POMGNT1: variants seen among roughly 807,000 people sequenced by gnomAD.
POMGNT1 encodes protein O-linked-mannose beta-1,2-N-acetylglucosaminyltransferase 1.
In POMGNT1, 67 loss-of-function variants were observed where a neutral mutation model predicts 95.6. The observed-to-expected ratio is 0.70, with a 90% CI of 0.58 to 0.86. The LOEUF (loss-of-function observed/expected upper bound fraction) is 0.86. POMGNT1 is among the 40% of genes least tolerant of loss of function. POMGNT1 has a pLI of 0.00. For missense variants in POMGNT1, 719 were observed against 855.2 expected (o/e 0.84, Z 1.99); for synonymous variants, 298 against 317.9 (o/e 0.94, Z 0.66).
chr1:46,195,859 T>C lies in POMGNT1; in HGVS notation c.486A>G (p.Leu162=), dbSNP rs138330966. Residue 162 remains leucine (L), a synonymous_variant, in exon 6 of 22, where the codon CTA becomes CTG. Coordinates refer to ENST00000371984, the MANE Select transcript of POMGNT1 (RefSeq NM_017739.4). ...YSPHEDEAMV[L]FLNMVAPGRV... ...GGCCGGGCGCTACCATGTTGAGGAA[T>C]AGCACCATGGCCTCATCCTCATGAG... 442 of 1,612,540 alleles carry C rather than the reference T, an allele frequency of 2.7e-4. 2 individuals carry two copies. The highest frequency in any genetic ancestry group is 2.4e-4 in the South Asian group (22 of 90,676).
upstream of POMGNT1, among the ~76,000 whole-genome samples, chr1:46,199,266 G>A (rs1416078507): frequency 6.6e-6 from 1 of 152,154 alleles, no homozygotes; most frequent in African/African-American, 2.4e-5. Context: ...TATCCCTGTC[G>A]CAGATAAAGA....
chr1:46,200,122 C>G (rs1658493956), upstream of POMGNT1, among the ~76,000 whole-genome samples: 1 of 152,142 alleles, frequency 6.6e-6, no homozygotes, highest in South Asian at 2.1e-4. Context: ...GTTGAGATTG[C>G]ACCACTGCAC....
chr1:46,212,428 A>T (rs1388034275), intron 1 of POMGNT1, among the ~76,000 whole-genome samples: 20 of 147,352 alleles, frequency 1.4e-4, no homozygotes, highest in African/African-American at 5.0e-4. Context: ...CTACAGGCGT[A>T]CACTGCCACG....
chr1:46,188,933 T>G lies in POMGNT1; in HGVS notation c.*337A>C, dbSNP rs1210082344. 1.9e-6 allele frequency: 3 copies of G among 1,612,838 alleles called. No homozygotes were observed. The highest frequency in any genetic ancestry group is 2.5e-6 in the Non-Finnish European group (3 of 1,179,874). ...CAGGCCCTCCAGGTTCGGCCTGTTT[T>G]CAAGGCCCTCAGGACAGTCAATAAA... On this transcript the variant is annotated 3_prime_UTR_variant, in exon 22 of 22. Coordinates refer to ENST00000371984, the MANE Select transcript of POMGNT1 (RefSeq NM_017739.4).
At chr1:46,201,130 C>CA (rs1004457806), upstream of POMGNT1, among the ~76,000 whole-genome samples, 35 of 145,746 alleles carry the variant, frequency 2.4e-4, no homozygotes, top group Admixed American at 2.7e-4. Context: ...GACTCTGTCT[C>CA]AAAAAAAAAA....
intron 1 of POMGNT1, among the ~76,000 whole-genome samples, chr1:46,212,281 ATT>A (rs753914761): frequency 1.4e-4 from 20 of 143,478 alleles, no homozygotes; most frequent in East Asian, 4.1e-4. Flanking sequence ...AACCATGTAA[ATT>A]TTTTTTTTTT....
In POMGNT1 at chr1:46,193,841, A is replaced by G; in HGVS notation, c.950+14T>C. Reference sequence around the variant, plus strand: ...TCCTGTTCAGTGCTGGGTATAGCCCATTCCCAGGCTTACCTGTACAGGTAA... The same window carrying G: ...TCCTGTTCAGTGCTGGGTATAGCCCGTTCCCAGGCTTACCTGTACAGGTAA... On this transcript the variant is annotated intron_variant, in intron 10 of 21. Coordinates refer to ENST00000371984, the MANE Select transcript of POMGNT1 (RefSeq NM_017739.4). The G allele has an allele frequency of 1.2e-6, 2 of 1,613,862 alleles. No individual in the cohort carries two copies. Among genetic ancestry groups the G allele is most frequent in the Non-Finnish European group, 1.7e-6 (2 of 1,179,908 alleles).
intron 14 of POMGNT1, 143 bp from the exon 15 acceptor site, chr1:46,192,733 C>G: frequency 6.3e-7 from 1 of 1,594,910 alleles, no homozygotes; most frequent in Non-Finnish European, 8.6e-7. Flanking sequence ...TGTCTCCATT[C>G]ATCCACTGTA....
chr1:46,219,985 C>T (rs982549801), exon 1 of POMGNT1: 1 of 1,614,270 alleles, frequency 6.2e-7, no homozygotes, highest in Non-Finnish European at 8.5e-7. Flanking sequence ...CAGGGCCCAC[C>T]TGGGGCTCCA....
In POMGNT1 at chr1:46,197,083, G is replaced by A. The variant is rs751991946; in HGVS notation, c.122C>T (p.Thr41Ile). The A allele has an allele frequency of 6.2e-7, 1 of 1,614,154 alleles. No individual in the cohort carries two copies. The highest frequency in any genetic ancestry group is 1.1e-5 in the South Asian group (1 of 91,070). Residue 41 changes from threonine to isoleucine, a missense_variant and splice_region_variant, in exon 3 of 22, where the codon ACA becomes ATA. By Grantham distance (89) the Thr-to-Ile change is moderately conservative. Transcript: ENST00000371984. ...CACCAGCAGGAAAAGCACGGCCCCT[G>A]TCTGAGGGGAGGGGTAGGGATGATT... ...NQRALRRFCQTGAVLFLLVTV... is the reference protein window; with the variant it reads ...NQRALRRFCQIGAVLFLLVTV...
At chr1:46,208,281 A>G (rs901011633) in intron 1 of POMGNT1, among the ~76,000 whole-genome samples, 3 of 152,120 alleles carry the variant, frequency 2.0e-5, no homozygotes, top group Admixed American at 1.3e-4. Flanking sequence ...GCTGAGCCAC[A>G]ATGCCAAGCC....
chr1:46,214,198 T>C (rs1031033291), intron 1 of POMGNT1, among the ~76,000 whole-genome samples: 1 of 151,728 alleles, frequency 6.6e-6, no homozygotes, highest in African/African-American at 2.4e-5. Flanking sequence ...ATACAAAAAT[T>C]AGCTGGTTGT....
In POMGNT1 at chr1:46,189,842, G is replaced by A. The variant is rs751152965; in HGVS notation, c.1785+12C>T. 1 of 1,613,656 alleles carries A rather than the reference G, an allele frequency of 6.2e-7. No homozygotes were observed. Among genetic ancestry groups the A allele is most frequent in the Non-Finnish European group, 8.5e-7 (1 of 1,179,980 alleles). On this transcript the variant is annotated intron_variant, in intron 20 of 21. Coordinates refer to ENST00000371984, the MANE Select transcript of POMGNT1 (RefSeq NM_017739.4). ...GGAGGGGTTCTCCAGGGTGGGCATG[G>A]TATTGGAGCACCTTGGCAAGCTGGG...
At chr1:46,190,038 G>C (rs771350263) in intron 19 of POMGNT1, 49 bp from the exon 20 acceptor site, 2 of 1,608,910 alleles carry the variant, frequency 1.2e-6, no homozygotes, top group Non-Finnish European at 1.7e-6. Context: ...CCACTTCATG[G>C]GTGTGTCCCA....
At chr1:46,212,192 G>A (rs139443580) in intron 1 of POMGNT1, among the ~76,000 whole-genome samples, 4 of 152,156 alleles carry the variant, frequency 2.6e-5, no homozygotes, top group Non-Finnish European at 5.9e-5. Context: ...TGTGACCTGC[G>A]GGATCTGACC....
chr1:46,216,552 G>A (rs1659077743), intron 1 of POMGNT1, among the ~76,000 whole-genome samples: 1 of 151,988 alleles, frequency 6.6e-6, no homozygotes, highest in Admixed American at 6.6e-5. Context: ...CTGTTACCTA[G>A]GCTGATCTCA....
intron 1 of POMGNT1, among the ~76,000 whole-genome samples, chr1:46,214,260 C>T (rs1358772997): frequency 2.0e-5 from 3 of 151,310 alleles, no homozygotes; most frequent in Non-Finnish European, 4.4e-5. Flanking sequence ...GCATGAGAAT[C>T]GCTTGAACCT....
Position 46,192,956 on chromosome 1 carries a change from C to T in POMGNT1, c.1155G>A (p.Glu385=), listed in dbSNP as rs1557672724. 3 of 1,614,058 alleles carry T rather than the reference C, an allele frequency of 1.9e-6. No homozygotes were observed. Among genetic ancestry groups the T allele is most frequent in the Non-Finnish European group, 2.5e-6 (3 of 1,180,022 alleles). Residue 385 remains glutamate (E), a splice_region_variant and synonymous_variant, in exon 14 of 22, where the codon GAG becomes GAA. Coordinates refer to ENST00000371984, the MANE Select transcript of POMGNT1 (RefSeq NM_017739.4). ...SLTATFNLFP[E]AKFAVVLEED... ...CTTCCAGAACCACAGCAAACTTGGC[C>T]TCCTAGAAGGGGAATGGGACATCAT...
Position 46,193,432 on chromosome 1 carries a change from T to C in POMGNT1, c.1027-44A>G, listed in dbSNP as rs7527668. On this transcript the variant is annotated intron_variant, in intron 11 of 21. Coordinates refer to ENST00000371984, the MANE Select transcript of POMGNT1 (RefSeq NM_017739.4). ...GCTCACCATGTGAGGTCACTTTCCC[T>C]CTGCCCACCTCTGCAATCCAAGGCC... 0.36 allele frequency: 576,210 copies of C among 1,602,566 alleles called. 105,720 individuals are homozygous for C. Among genetic ancestry groups the C allele is most frequent in the African/African-American group, 0.45 (33,803 of 74,840 alleles).
Sources: gnomAD v4.1 joint callset for allele counts (sites outside exome capture counted in the v4.1 genomes callset) on GRCh38, gnomAD v4.1.1 for gene constraint, MANE v1.5 for transcripts, NCBI Gene and HGNC (gene_info 2026-07-23, HGNC 2026-07-21) for gene names.